KIF5C: variants seen among roughly 807,000 people sequenced by gnomAD.
KIF5C encodes the protein kinesin family member 5C, also known as kinesin heavy chain isoform 5C.
In KIF5C, 18 loss-of-function variants were observed where a neutral mutation model predicts 125.2. That is an observed-to-expected ratio of 0.14 (90% CI 0.10 to 0.21). The LOEUF (loss-of-function observed/expected upper bound fraction) is 0.21. Ranked by LOEUF, KIF5C falls within the 10% of genes least tolerant of loss-of-function variation. The pLI is 1.00. For missense variants in KIF5C, 780 were observed against 1,183.8 expected, an observed-to-expected ratio of 0.66 and a Z score of 5.01; for synonymous variants, 405 against 434.0, an observed-to-expected ratio of 0.93 and a Z score of 0.83.
At chr2:149,014,211 G>A (rs981966481) in intron 25 of KIF5C, among the ~76,000 whole-genome samples, 2 of 152,180 alleles carry the variant, frequency 1.3e-5, no homozygotes, top group African/African-American at 4.8e-5. Flanking sequence ...TTTTAGTAGA[G>A]ACAGGGTTTC....
chr2:148,908,505 G>A (rs1410573636), intron 1 of KIF5C, among the ~76,000 whole-genome samples: 2 of 152,144 alleles, frequency 1.3e-5, no homozygotes, highest in East Asian at 1.9e-4. Flanking sequence ...TGACCTTAGC[G>A]TAGTAGGAGA....
In KIF5C at chr2:149,011,559, G is replaced by T. The variant is rs1019938495; in HGVS notation, c.2768-11G>T. 3 of 1,613,818 alleles carry T rather than the reference G, an allele frequency of 1.9e-6. No individual in the cohort carries two copies. The highest frequency in any genetic ancestry group is 2.5e-6 in the Non-Finnish European group (3 of 1,179,754). On this transcript the variant is annotated splice_polypyrimidine_tract_variant and intron_variant, in intron 24 of 25. Transcript: ENST00000435030. ...TGTCTGTTCTCTCTTCTTTCTGTTG[G>T]TTGGATACAGCCAAGCCCATCCGCC...
intron 16 of KIF5C, among the ~76,000 whole-genome samples, chr2:148,993,748 A>C (rs1681588579): frequency 6.6e-6 from 1 of 152,232 alleles, no homozygotes; most frequent in South Asian, 2.1e-4. Flanking sequence ...CTGTTCAGCC[A>C]ACAAGCTCTC....
At chr2:148,892,673 A>C (rs1403987343) in intron 1 of KIF5C, among the ~76,000 whole-genome samples, 2 of 152,234 alleles carry the variant, frequency 1.3e-5, no homozygotes, top group African/African-American at 4.8e-5. Context: ...CTTAGGCTAC[A>C]CTTATGAATG....
Position 149,018,229 on chromosome 2 carries a change from C to CAGT in KIF5C, c.*8-4848_*8-4846dup, listed in dbSNP as rs35495902. ...ATTTCAGCTGGAGAGTTTGAGGCTG[C>CAGT]AGTGAGCTGTGATCATGCCACCACA... On this transcript the variant is annotated intron_variant, in intron 25 of 25. Transcript: ENST00000435030. 5.8e-3 allele frequency among the ~76,000 whole-genome samples: 885 copies of CAGT among 152,266 alleles called. 6 individuals are homozygous for CAGT. The highest frequency in any genetic ancestry group is 0.02 in the African/African-American group (838 of 41,550).
intron 1 of KIF5C, chr2:148,886,009 C>G (rs1436444207): frequency 6.6e-6 from 1 of 152,168 alleles, no homozygotes; most frequent in Non-Finnish European, 1.5e-5. Flanking sequence ...TCTGAACAAC[C>G]TGTCTGGCAC....
intron 1 of KIF5C, among the ~76,000 whole-genome samples, chr2:148,902,937 G>T (rs1680962162): frequency 6.6e-6 from 1 of 152,108 alleles, no homozygotes; most frequent in Admixed American, 6.5e-5. Context: ...TTCTCTGCTT[G>T]CCTGCTTATT....
chr2:149,018,362 C>A (rs115513798), intron 25 of KIF5C, among the ~76,000 whole-genome samples: 293 of 152,316 alleles, frequency 1.9e-3, no homozygotes, highest in African/African-American at 6.7e-3. Flanking sequence ...GCACTCCGTG[C>A]TCATCTGTGT....
At chr2:148,920,983 C>T (rs758401123) in intron 1 of KIF5C, among the ~76,000 whole-genome samples, 16 of 152,090 alleles carry the variant, frequency 1.1e-4, no homozygotes, top group Non-Finnish European at 1.5e-5. Context: ...TGAGTGAGTC[C>T]GGCTGTGGAA....
chr2:148,930,932 C>G (rs1046004781), intron 3 of KIF5C, among the ~76,000 whole-genome samples: 2 of 152,160 alleles, frequency 1.3e-5, no homozygotes, highest in Admixed American at 6.5e-5. Flanking sequence ...GCCTTTCCCT[C>G]TCTTACTAGG....
At chr2:148,895,298 C>T (rs56858962) in intron 1 of KIF5C, among the ~76,000 whole-genome samples, 1,953 of 152,070 alleles carry the variant, frequency 0.013, 34 homozygotes, top group African/African-American at 0.043. Flanking sequence ...CCACCACGCC[C>T]GGCTAATTTT....
At chr2:148,905,869 A>C (rs754575710) in intron 1 of KIF5C, among the ~76,000 whole-genome samples, 1 of 152,184 alleles carries the variant, frequency 6.6e-6, no homozygotes, top group Non-Finnish European at 1.5e-5. Context: ...CATGTCTTAC[A>C]CGATGGCAGG....
intron 8 of KIF5C, among the ~76,000 whole-genome samples, chr2:148,948,591 A>G (rs1302761107): frequency 1.3e-5 from 2 of 152,034 alleles, no homozygotes; most frequent in East Asian, 1.9e-4. Context: ...TTGCTCACAC[A>G]CACCTGTTTT....
intron 15 of KIF5C, among the ~76,000 whole-genome samples, chr2:148,984,365 T>G (rs1681319618): frequency 6.6e-6 from 1 of 152,238 alleles, no homozygotes; most frequent in African/African-American, 2.4e-5. Flanking sequence ...CTCCAGGTGA[T>G]TCTTTATGCT....
Position 149,026,364 on chromosome 2 carries a change from A to T in KIF5C, c.*3294A>T, listed in dbSNP as rs1682685326. On this transcript the variant is annotated 3_prime_UTR_variant, in exon 26 of 26. Coordinates refer to ENST00000435030, the MANE Select transcript of KIF5C (RefSeq NM_004522.3). ...ATGAAGTCTGCTTACTTATTTAAAA[A>T]TTGTGTATCAGTTTTAAATACTGTT... is the stretch of plus-strand genomic sequence containing the variant. 1 of 152,244 alleles carries T rather than the reference A, an allele frequency of 6.6e-6. No homozygotes were observed. Among genetic ancestry groups the T allele is most frequent in the Non-Finnish European group, 1.5e-5 (1 of 68,044 alleles). 9.4% of individuals were successfully genotyped at this position (152,244 alleles called of 1,614,324 possible). A position where few individuals can be genotyped will look rare whatever the true frequency, so the allele number is the denominator to read the frequency against.
At chr2:148,980,678 A>G (rs879401751) in intron 13 of KIF5C, among the ~76,000 whole-genome samples, 40 of 50,404 alleles carry the variant, frequency 7.9e-4, no homozygotes, top group Admixed American at 1.3e-3. Flanking sequence ...TCCTTTGCTT[A>G]TTTATTTATT....
At chr2:148,933,769 G>A (rs1682227493) in intron 3 of KIF5C, among the ~76,000 whole-genome samples, 1 of 140,088 alleles carries the variant, frequency 7.1e-6, no homozygotes, top group South Asian at 2.3e-4. Flanking sequence ...ATACATTCAC[G>A]ACACACCATA....
intron 20 of KIF5C, 60 bp from the exon 21 acceptor site, chr2:149,000,662 A>G: frequency 6.2e-7 from 1 of 1,601,148 alleles, no homozygotes; most frequent in Non-Finnish European, 8.5e-7. Flanking sequence ...GGATGCAAAT[A>G]GTATCTGCTG....
rs1414829053 is a variant in KIF5C at position 148,875,842 on chromosome 2, A to T, written c.126+99A>T. The T allele has an allele frequency of 2.7e-6, 4 of 1,473,502 alleles. No individual in the cohort carries two copies. The African/African-American group carries it at 4.3e-5, about 16-fold the overall frequency. 91.3% of individuals were successfully genotyped at this position (1,473,502 alleles called of 1,614,324 possible). On this transcript the variant is annotated intron_variant, in intron 1 of 25. Transcript: ENST00000435030. The stretch of plus-strand genomic sequence containing the variant: ...GGAGGTGTTTAGGCCGCCCCCTCGG[A>T]CATTCCCGCGGGGCTGGCCTCTCGG...
Sources: gnomAD v4.1 joint callset for allele counts (sites outside exome capture counted in the v4.1 genomes callset) on GRCh38, gnomAD v4.1.1 for gene constraint, MANE v1.5 for transcripts, NCBI Gene and HGNC (gene_info 2026-07-23, HGNC 2026-07-21) for gene names.